Variants in EPB41L4A observed in about 807,000 individuals in gnomAD.
The protein encoded by EPB41L4A is erythrocyte membrane protein band 4.1 like 4A, also known as band 4.1-like protein 4A.
Under a neutral mutation model 108.6 loss-of-function variants are expected in EPB41L4A, and 100 were observed. The observed-to-expected ratio is 0.92, with a 90% CI of 0.78 to 1.09. The LOEUF (loss-of-function observed/expected upper bound fraction) is 1.09. Ranked by LOEUF, EPB41L4A falls within the 50% of genes least tolerant of loss-of-function variation. The probability of loss-of-function intolerance (pLI) is 0.00; values close to 1 mark genes in which losing one functional copy is unlikely to be tolerated. For synonymous variants in EPB41L4A, 319 were observed against 289.0 expected (o/e 1.10, Z -1.05); for missense variants, 1,030 against 842.7 (o/e 1.22, Z -2.75).
intron 1 of EPB41L4A, among the ~76,000 whole-genome samples, chr5:112,328,760 ACTT>A (rs1756355381): frequency 6.6e-6 from 1 of 152,236 alleles, no homozygotes; most frequent in African/African-American, 2.4e-5. Context: ...TTCTAGTAAA[ACTT>A]CTCAATTCCT....
chr5:112,255,616 A>G (rs1000339156), intron 9 of EPB41L4A, among the ~76,000 whole-genome samples: 1 of 152,140 alleles, frequency 6.6e-6, no homozygotes, highest in Non-Finnish European at 1.5e-5. Context: ...TGTTCCTTCT[A>G]TCTCACTGGA....
intron 1 of EPB41L4A, among the ~76,000 whole-genome samples, chr5:112,354,014 T>G (rs550442288): frequency 6.6e-6 from 1 of 152,266 alleles, no homozygotes; most frequent in African/African-American, 2.4e-5. Context: ...GAAAACCATA[T>G]ATGTAGTAAA....
chr5:112,276,348 G>A (rs1752630823), intron 3 of EPB41L4A, among the ~76,000 whole-genome samples: 1 of 152,094 alleles, frequency 6.6e-6, no homozygotes, highest in Non-Finnish European at 1.5e-5. Context: ...CTCATATTGT[G>A]CAAGAAGACA....
intron 2 of EPB41L4A, among the ~76,000 whole-genome samples, chr5:112,302,655 G>C (rs1754438930): frequency 6.6e-6 from 1 of 152,110 alleles, no homozygotes; most frequent in Non-Finnish European, 1.5e-5. Context: ...CAGCTCTCCA[G>C]GTAGACTGTG....
At chr5:112,387,110 C>A (rs182971604) in intron 1 of EPB41L4A, among the ~76,000 whole-genome samples, 1 of 152,276 alleles carries the variant, frequency 6.6e-6, no homozygotes, top group Admixed American at 6.5e-5. Flanking sequence ...TCAGATGGAG[C>A]CTAAGAATTC....
intron 3 of EPB41L4A, among the ~76,000 whole-genome samples, chr5:112,279,629 T>C (rs1752838548): frequency 6.6e-6 from 1 of 152,196 alleles, no homozygotes; most frequent in African/African-American, 2.4e-5. Flanking sequence ...GACAATTTTT[T>C]TAAAAAGAGT....
At position 112,275,378 on chromosome 5, in the gene EPB41L4A, C is replaced by T. The variant is rs1303661119; in HGVS notation, c.283G>A (p.Gly95Ser). ...GGATCTTCAGCATAGAATTTAATAC[C>T]AAAATACAAAGTATATGGAGGTCCA... ...NTGPPYTLYF[G>S]IKFYAEDPCK... is the part of the protein sequence containing the mutation. The change falls in exon 4 of 23, where the codon GGT becomes AGT. Residue 95 changes from glycine (G) to serine (S), a missense_variant. Physicochemically the swap from Gly to Ser is moderately conservative, Grantham distance 56 (BLOSUM62 0). Transcript: ENST00000261486. The T allele has an allele frequency of 3.2e-6, 5 of 1,550,864 alleles. No individual in the cohort carries two copies. The highest frequency in any genetic ancestry group is 4.4e-6 in the Non-Finnish European group (5 of 1,141,758).
At chr5:112,278,385 G>A (rs908075760) in intron 3 of EPB41L4A, among the ~76,000 whole-genome samples, 1 of 151,762 alleles carries the variant, frequency 6.6e-6, no homozygotes, top group African/African-American at 2.4e-5. Flanking sequence ...CCGAATAGCT[G>A]GGATTACAGG....
chr5:112,254,256 C>T (rs76585457), intron 9 of EPB41L4A, among the ~76,000 whole-genome samples: 6,190 of 152,272 alleles, frequency 0.041, 190 homozygotes, highest in Non-Finnish European at 0.063. Context: ...CAGTATTATC[C>T]TAAATTCCTA....
intron 12 of EPB41L4A, among the ~76,000 whole-genome samples, chr5:112,152,938 G>A (rs996918890): frequency 6.6e-6 from 1 of 152,186 alleles, no homozygotes; most frequent in Non-Finnish European, 1.5e-5. Context: ...TATATACAGG[G>A]CCAGGTGCAG....
At position 112,204,438 on chromosome 5, in the gene EPB41L4A, T is replaced by C. The variant is rs374065942; in HGVS notation, c.1313A>G (p.Tyr438Cys). 1.2e-6 allele frequency: 2 copies of C among 1,613,878 alleles called. No individual in the cohort carries two copies. The highest frequency in any genetic ancestry group is 1.7e-6 in the Non-Finnish European group (2 of 1,179,934). ...ACAGGAGGGGTTTCGGCGACGCGTGTAAGGGAACTTTGGCGACTTAGTGCG... is the reference window on the plus strand; with the variant it reads ...ACAGGAGGGGTTTCGGCGACGCGTGCAAGGGAACTTTGGCGACTTAGTGCG... ...SDRTKSPKFP[Y>C]TRRRNPSCGS... The change falls in exon 15 of 23, where the codon TAC becomes TGC. Residue 438 changes from tyrosine (Y) to cysteine (C), a missense_variant. Transcript: ENST00000261486.
intron 22 of EPB41L4A, 57 bp from the exon 23 acceptor site, chr5:112,165,175 T>C: frequency 7.3e-7 from 1 of 1,369,584 alleles, no homozygotes; most frequent in Non-Finnish European, 1.0e-6. Flanking sequence ...AAATGAAGTA[T>C]TTTAATTACA....
At chr5:112,226,694 TA>T (rs543012150) in intron 12 of EPB41L4A, among the ~76,000 whole-genome samples, 1,980 of 144,688 alleles carry the variant, frequency 0.014, 25 homozygotes, top group African/African-American at 0.029. Context: ...GATGTTGGTG[TA>T]AAAAAAAAAA....
In EPB41L4A at chr5:112,212,782, A is replaced by G. The variant is rs145826638; in HGVS notation, c.1088-2800T>C. Among the ~76,000 whole-genome samples the G allele has an allele frequency of 3.3e-3, 496 of 152,200 alleles. 2 individuals carry two copies. Among genetic ancestry groups the G allele is most frequent in the African/African-American group, 0.011 (477 of 41,518 alleles). Reference sequence around the variant, plus strand: ...CAGTGTCAATAACACCAACTGAAAAAAGCTGAGTAAAGGTGAACATCCTGT... The same window carrying G: ...CAGTGTCAATAACACCAACTGAAAAGAGCTGAGTAAAGGTGAACATCCTGT... On this transcript the variant is annotated intron_variant, in intron 12 of 22. Transcript: ENST00000261486.
intron 12 of EPB41L4A, among the ~76,000 whole-genome samples, chr5:112,217,136 G>T (rs913607159): frequency 6.6e-6 from 1 of 151,970 alleles, no homozygotes; most frequent in Non-Finnish European, 1.5e-5. Flanking sequence ...TAGAGATGGG[G>T]TTTCACCATG....
chr5:112,180,225 A>C (rs1279706675), intron 18 of EPB41L4A, among the ~76,000 whole-genome samples: 3 of 152,212 alleles, frequency 2.0e-5, no homozygotes, highest in Non-Finnish European at 4.4e-5. Context: ...GTTGATTCAA[A>C]AATTTACACA....
chr5:112,378,365 T>A (rs1189110561), intron 1 of EPB41L4A, among the ~76,000 whole-genome samples: 3 of 152,222 alleles, frequency 2.0e-5, no homozygotes, highest in Non-Finnish European at 4.4e-5. Flanking sequence ...AGCCCTGTAA[T>A]CTACCCTTTA....
At chr5:112,246,799 T>C (rs900486237) in intron 9 of EPB41L4A, among the ~76,000 whole-genome samples, 1 of 152,136 alleles carries the variant, frequency 6.6e-6, no homozygotes, top group African/African-American at 2.4e-5. Context: ...AAAATGTAGA[T>C]TCACTGAGGC....
intron 12 of EPB41L4A, among the ~76,000 whole-genome samples, chr5:112,210,681 A>T (rs772171541): frequency 2.6e-5 from 4 of 152,128 alleles, no homozygotes; most frequent in Non-Finnish European, 5.9e-5. Flanking sequence ...CCCATGTAGG[A>T]GGTCAGGCTT....
Sources: gnomAD v4.1 joint callset for allele counts (sites outside exome capture counted in the v4.1 genomes callset) on GRCh38, gnomAD v4.1.1 for gene constraint, MANE v1.5 for transcripts, NCBI Gene and HGNC (gene_info 2026-07-23, HGNC 2026-07-21) for gene names.